Variants in GLI2 observed in about 807,000 individuals in gnomAD.
The protein encoded by GLI2 is GLI family zinc finger 2.
A neutral mutation model predicts 78.9 loss-of-function variants in GLI2; 22 were observed. That is an observed-to-expected ratio of 0.28 (90% CI 0.20 to 0.40). The LOEUF (loss-of-function observed/expected upper bound fraction) is 0.40. Among genes scored for constraint, GLI2 ranks in the 10% least tolerant of loss-of-function variants. The probability of loss-of-function intolerance (pLI) is 1.00; values close to 1 mark genes in which losing one functional copy is unlikely to be tolerated. For synonymous variants in GLI2, 974 were observed against 963.7 expected, an observed-to-expected ratio of 1.01 and a Z score of -0.20; for missense variants, 2,097 against 2,213.2, an observed-to-expected ratio of 0.95 and a Z score of 1.05.
At chr2:120,975,648 T>C (rs961939418) in intron 9 of GLI2, among the ~76,000 whole-genome samples, 3 of 152,152 alleles carry the variant, frequency 2.0e-5, no homozygotes, top group African/African-American at 7.2e-5. Context: ...TGCTTAACAG[T>C]GCCTGAGTAC....
At chr2:120,784,905 C>G (rs867153527) in intron 1 of GLI2, among the ~76,000 whole-genome samples, 1 of 152,194 alleles carries the variant, frequency 6.6e-6, no homozygotes, top group East Asian at 1.9e-4. Flanking sequence ...CCACCCCACA[C>G]CTGGACTGGA....
At chr2:120,869,536 C>A (rs936389481) in intron 2 of GLI2, among the ~76,000 whole-genome samples, 3 of 152,196 alleles carry the variant, frequency 2.0e-5, no homozygotes, top group Non-Finnish European at 4.4e-5. Flanking sequence ...AAGCTACACT[C>A]TCCACTTGGG....
At chr2:120,772,522 C>T (rs1331838545) in intron 1 of GLI2, among the ~76,000 whole-genome samples, 1 of 152,226 alleles carries the variant, frequency 6.6e-6, no homozygotes, top group Non-Finnish European at 1.5e-5. Context: ...TCCCCAGGAG[C>T]ACCCCGGCTG....
chr2:120,921,295 T>C (rs1679368383), intron 2 of GLI2, among the ~76,000 whole-genome samples: 1 of 151,976 alleles, frequency 6.6e-6, no homozygotes, highest in South Asian at 2.1e-4. Flanking sequence ...TGTCCTATTA[T>C]ACCTGGGCTC....
chr2:120,816,649 T>TAAA (rs34210846), intron 2 of GLI2, among the ~76,000 whole-genome samples: 1 of 149,994 alleles, frequency 6.7e-6, no homozygotes, highest in Non-Finnish European at 1.5e-5. Context: ...TCTCCAAAAT[T>TAAA]AAAAAAAAAA....
chr2:120,817,444 T>C (rs1685551019), intron 2 of GLI2, among the ~76,000 whole-genome samples: 1 of 152,210 alleles, frequency 6.6e-6, no homozygotes, highest in African/African-American at 2.4e-5. Flanking sequence ...TTGGCCCCGC[T>C]GATGAGCTCG....
At chr2:120,890,425 A>G (rs553808989) in intron 2 of GLI2, among the ~76,000 whole-genome samples, 25 of 140,762 alleles carry the variant, frequency 1.8e-4, no homozygotes, top group African/African-American at 6.5e-4. Context: ...GCATAAAACT[A>G]AATGCACACA....
chr2:120,963,423 T>C (rs1175741123), intron 5 of GLI2, among the ~76,000 whole-genome samples: 8 of 152,230 alleles, frequency 5.3e-5, no homozygotes, highest in Non-Finnish European at 1.2e-4. Flanking sequence ...GCAGAGGCTG[T>C]GTGCCTCTGC....
chr2:120,792,044 T>C (rs1684175144), intron 1 of GLI2, among the ~76,000 whole-genome samples: 1 of 152,318 alleles, frequency 6.6e-6, no homozygotes, highest in East Asian at 1.9e-4. Context: ...CTGTGACTGC[T>C]GAGAGGCGAG....
chr2:120,879,230 C>G (rs1294179418), intron 2 of GLI2, among the ~76,000 whole-genome samples: 1 of 152,154 alleles, frequency 6.6e-6, no homozygotes, highest in African/African-American at 2.4e-5. Context: ...AGACACTGTG[C>G]AGCCCAGACT....
At chr2:120,973,662 G>T (rs1488559406) in intron 8 of GLI2, among the ~76,000 whole-genome samples, 2 of 152,234 alleles carry the variant, frequency 1.3e-5, no homozygotes, top group Non-Finnish European at 2.9e-5. Context: ...CATTGCTAAA[G>T]ATCTGGAAAG....
At chr2:120,829,094 G>A (rs1048607200) in intron 2 of GLI2, among the ~76,000 whole-genome samples, 4 of 66,584 alleles carry the variant, frequency 6.0e-5, no homozygotes, top group East Asian at 9.5e-4. Context: ...GGACAGCCAC[G>A]CACCTGCACC....
chr2:120,932,117 G>A (rs1679971918), intron 3 of GLI2, among the ~76,000 whole-genome samples: 1 of 152,210 alleles, frequency 6.6e-6, no homozygotes, highest in African/African-American at 2.4e-5. Flanking sequence ...CTTCCATGAT[G>A]AATGTGGTTG....
intron 2 of GLI2, among the ~76,000 whole-genome samples, chr2:120,880,025 G>A (rs980630448): frequency 4.6e-5 from 7 of 152,208 alleles, no homozygotes; most frequent in African/African-American, 1.4e-4. Context: ...ATAAATCGGT[G>A]TGGCCAGAGG....
At chr2:120,924,064 C>T (rs1364853841) in intron 2 of GLI2, among the ~76,000 whole-genome samples, 1 of 152,168 alleles carries the variant, frequency 6.6e-6, no homozygotes, top group Non-Finnish European at 1.5e-5. Context: ...GGTCTGGGCT[C>T]TGATGGCATT....
intron 1 of GLI2, among the ~76,000 whole-genome samples, chr2:120,780,023 A>T (rs1683791172): frequency 6.6e-6 from 1 of 151,456 alleles, no homozygotes; most frequent in African/African-American, 2.4e-5. Context: ...ACATCACTGC[A>T]TGGTGAAGGA....
chr2:120,904,500 G>T (rs1678420662), intron 2 of GLI2, among the ~76,000 whole-genome samples: 1 of 152,152 alleles, frequency 6.6e-6, no homozygotes, highest in Non-Finnish European at 1.5e-5. Context: ...CGTCTGCCTG[G>T]CACCTCCTGG....
At chr2:120,944,109 G>A (rs1032505216) in intron 3 of GLI2, among the ~76,000 whole-genome samples, 4 of 152,194 alleles carry the variant, frequency 2.6e-5, no homozygotes, top group Non-Finnish European at 5.9e-5. Context: ...TGGCATGCTC[G>A]CTTAGGCCCA....
In GLI2 at chr2:120,895,638, G is replaced by T. The variant is rs183508798; in HGVS notation, c.149-31723G>T. ...GAATTGCTTGAACCTGGGAGGTGAA[G>T]GCTACAATGAACTGAGATTGCACCA... On this transcript the variant is annotated intron_variant, in intron 2 of 13. Transcript: ENST00000361492. Among the ~76,000 whole-genome samples the T allele has an allele frequency of 2.6e-5, 4 of 152,284 alleles. No homozygotes were observed. The East Asian group carries it at 7.7e-4, about 29-fold the overall frequency.
Sources: allele counts gnomAD v4.1 joint callset (sites outside exome capture counted in the v4.1 genomes callset), GRCh38; gene constraint gnomAD v4.1.1; transcripts MANE v1.5; gene names NCBI Gene and HGNC (gene_info 2026-07-23, HGNC 2026-07-21).